The following ARID2 variants were observed in gnomAD, a reference collection of about 807,000 sequenced individuals.
The protein encoded by ARID2 is AT-rich interaction domain 2.
In ARID2, 32 loss-of-function variants were observed where a neutral mutation model predicts 184.6. That is an observed-to-expected ratio of 0.17 (90% CI 0.13 to 0.23). The LOEUF (loss-of-function observed/expected upper bound fraction) is 0.23. Ranked by LOEUF, ARID2 falls within the 10% of genes least tolerant of loss-of-function variation. The pLI is 1.00. For missense variants in ARID2, 1,696 were observed against 2,197.6 expected, an observed-to-expected ratio of 0.77 and a Z score of 4.56; for synonymous variants, 836 against 772.6, an observed-to-expected ratio of 1.08 and a Z score of -1.36.
At chr12:45,838,319 G>A (rs1943258242) in intron 10 of ARID2, among the ~76,000 whole-genome samples, 1 of 152,160 alleles carries the variant, frequency 6.6e-6, no homozygotes, top group Non-Finnish European at 1.5e-5. Context: ...TGATTAAAAT[G>A]ATATCTTTCT....
At chr12:45,867,557 A>G (rs923697604) in intron 16 of ARID2, among the ~76,000 whole-genome samples, 4 of 151,412 alleles carry the variant, frequency 2.6e-5, no homozygotes, top group African/African-American at 9.7e-5. Flanking sequence ...CCTGGCTAGC[A>G]CAGTGAAACC....
rs547876427 is a variant in ARID2, at chr12:45,843,330, C to T, written c.1499-3526C>T. ...AGACTTATTAAAGATTTCTGGGCTA[C>T]ATTCCCTGAGTTTCTGGATCAGGTG... is the stretch of plus-strand genomic sequence containing the variant. On this transcript the variant is annotated intron_variant, in intron 11 of 20. Transcript: ENST00000334344. Among the ~76,000 whole-genome samples, 5 of 149,552 alleles carry T rather than the reference C, an allele frequency of 3.3e-5. No individual in the cohort carries two copies. The South Asian group carries it at 1.0e-3, about 31-fold the overall frequency.
chr12:45,758,627 A>G lies in ARID2; in HGVS notation c.284+27313A>G, dbSNP rs142647546. Among the ~76,000 whole-genome samples the G allele has an allele frequency of 4.5e-3, 678 of 152,324 alleles. 5 individuals carry two copies. The highest frequency in any genetic ancestry group is 0.014 in the African/African-American group (593 of 41,574). On this transcript the variant is annotated intron_variant, in intron 3 of 20. Transcript: ENST00000334344. ...CTCTGATATAACAGTCCAAACATAAATAGTCTAGGACTGATAATGTAGCTT... is the reference window on the plus strand; with the variant it reads ...CTCTGATATAACAGTCCAAACATAAGTAGTCTAGGACTGATAATGTAGCTT...
intron 3 of ARID2, among the ~76,000 whole-genome samples, chr12:45,806,485 A>T (rs1942603260): frequency 6.6e-6 from 1 of 151,756 alleles, no homozygotes; most frequent in Non-Finnish European, 1.5e-5. Context: ...TGGTTTTAAA[A>T]TTTTTTCTGT....
intron 20 of ARID2, among the ~76,000 whole-genome samples, chr12:45,904,665 T>TGGCA (rs1223994787): frequency 1.6e-5 from 2 of 121,434 alleles, no homozygotes; most frequent in African/African-American, 6.7e-5. Context: ...CACTCCAGCC[T>TGGCA]GGCAATAGAG....
chr12:45,856,346 C>T (rs930566662), intron 15 of ARID2, among the ~76,000 whole-genome samples: 2 of 151,958 alleles, frequency 1.3e-5, no homozygotes, highest in African/African-American at 2.4e-5. Flanking sequence ...GGATTACAGG[C>T]GTAAGCCACC....
intron 4 of ARID2, among the ~76,000 whole-genome samples, chr12:45,813,458 TAAAA>T (rs56373880): frequency 2.2e-5 from 3 of 138,298 alleles, no homozygotes; most frequent in South Asian, 2.3e-4. Flanking sequence ...GCATGTGTTC[TAAAA>T]AAAAAAAAAA....
rs111334296 is a variant in ARID2 at position 45,829,050 on chromosome 12, T to C, written c.706-7539T>C. Among the ~76,000 whole-genome samples, 196 of 152,178 alleles carry C rather than the reference T, an allele frequency of 1.3e-3. 1 individual carries two copies. Among genetic ancestry groups the C allele is most frequent in the African/African-American group, 4.5e-3 (189 of 41,558 alleles). On this transcript the variant is annotated intron_variant, in intron 6 of 20. Coordinates refer to ENST00000334344, the MANE Select transcript of ARID2 (RefSeq NM_152641.4). ...TTCTGTTTTACTTTTCACACTTAGA[T>C]CTATAATTTTTATTGTGTTTTTGTG...
In ARID2 at chr12:45,865,914, A is replaced by T. The variant is rs138988054; in HGVS notation, c.4922+4965A>T. Among the ~76,000 whole-genome samples, 1,069 of 152,216 alleles carry T rather than the reference A, an allele frequency of 7.0e-3. 10 individuals carry two copies. The highest frequency in any genetic ancestry group is 0.024 in the African/African-American group (1,010 of 41,574). The stretch of plus-strand genomic sequence containing the variant: ...AAAAGTGATTCCACAATATTTTCAT[A>T]ATTGTTTTTCTTATTTTAAAATTAT... On this transcript the variant is annotated intron_variant, in intron 16 of 20. Coordinates refer to ENST00000334344, the MANE Select transcript of ARID2 (RefSeq NM_152641.4).
At chr12:45,753,506 A>G (rs1308474259) in intron 3 of ARID2, among the ~76,000 whole-genome samples, 2 of 152,302 alleles carry the variant, frequency 1.3e-5, no homozygotes, top group South Asian at 2.1e-4. Flanking sequence ...TGGTAAATAC[A>G]TTAGTATATG....
At chr12:45,780,430 T>C (rs748633771) in intron 3 of ARID2, among the ~76,000 whole-genome samples, 2 of 152,162 alleles carry the variant, frequency 1.3e-5, no homozygotes, top group Non-Finnish European at 2.9e-5. Flanking sequence ...ATGTGATTAG[T>C]ATCTGCTTTT....
At chr12:45,842,096 A>G (rs1374288796) in intron 11 of ARID2, 1 of 150,386 alleles carries the variant, frequency 6.6e-6, no homozygotes, top group Non-Finnish European at 1.5e-5. Flanking sequence ...ATCTCTACAA[A>G]ATCAGGAAAA....
chr12:45,854,685 A>T (rs987401837), intron 15 of ARID2, among the ~76,000 whole-genome samples: 2 of 151,366 alleles, frequency 1.3e-5, no homozygotes, highest in Non-Finnish European at 2.9e-5. Flanking sequence ...TTAGAGAAAA[A>T]CTCCATCTCC....
rs757940740 is a variant in ARID2, at chr12:45,837,528, C to T, written c.1151C>T (p.Ala384Val). The T allele has an allele frequency of 1.2e-6, 2 of 1,613,898 alleles. No individual in the cohort carries two copies. Among genetic ancestry groups the T allele is most frequent in the South Asian group, 1.1e-5 (1 of 91,072 alleles). ...GAAATTTTGGGAAATCTTTGCAAAGCAGAAGATAATGGTGTTTTAATTTGT... is the reference window on the plus strand; with the variant it reads ...GAAATTTTGGGAAATCTTTGCAAAGTAGAAGATAATGGTGTTTTAATTTGT... The part of the protein sequence containing the change: ...GMEILGNLCK[A>V]EDNGVLICEY... The change falls in exon 10 of 21, where the codon GCA (alanine) becomes GTA (valine). Residue 384 changes from alanine to valine, a missense_variant. Coordinates refer to ENST00000334344, the MANE Select transcript of ARID2 (RefSeq NM_152641.4).
At position 45,765,001 on chromosome 12, in the gene ARID2, A is replaced by G. The variant is rs571170885; in HGVS notation, c.284+33687A>G. On this transcript the variant is annotated intron_variant, in intron 3 of 20. Coordinates refer to ENST00000334344, the MANE Select transcript of ARID2 (RefSeq NM_152641.4). ...GTTCCAGTTGTCCCTCAACCTTGCTAGCATTTGATATTGTTAATTTTTAAA... is the reference window on the plus strand; with the variant it reads ...GTTCCAGTTGTCCCTCAACCTTGCTGGCATTTGATATTGTTAATTTTTAAA... 1.1e-4 allele frequency among the ~76,000 whole-genome samples: 17 copies of G among 152,340 alleles called. No individual in the cohort carries two copies. In the South Asian group the frequency reaches 3.3e-3, roughly 30 times the overall value.
At chr12:45,858,462 G>T (rs1449969999) in intron 15 of ARID2, among the ~76,000 whole-genome samples, 1 of 152,140 alleles carries the variant, frequency 6.6e-6, no homozygotes, top group Non-Finnish European at 1.5e-5. Context: ...ATGGCTTTTA[G>T]AATTTGCAGG....
chr12:45,844,995 G>A (rs1943416293), intron 11 of ARID2, among the ~76,000 whole-genome samples: 1 of 152,166 alleles, frequency 6.6e-6, no homozygotes, highest in African/African-American at 2.4e-5. Context: ...TCTGGAAATT[G>A]ATTCAAAGTA....
chr12:45,817,731 A>G lies in ARID2; in HGVS notation c.480A>G (p.Lys160=). 3 of 1,613,042 alleles carry G rather than the reference A, an allele frequency of 1.9e-6. No individual in the cohort carries two copies. The highest frequency in any genetic ancestry group is 1.1e-5 in the South Asian group (1 of 91,048). ...TTAATTCGCCAAATGATTATAATAA[A>G]TTGGTGCTTTCACTGTTATCTGGAC... ...MDFNSPNDYN[K]LVLSLLSGLP... is the part of the protein sequence containing the mutation. Residue 160 remains lysine (K), a synonymous_variant, in exon 5 of 21, where the codon AAA becomes AAG. Coordinates refer to ENST00000334344, the MANE Select transcript of ARID2 (RefSeq NM_152641.4).
chr12:45,742,402 A>G (rs1941278926), intron 3 of ARID2, among the ~76,000 whole-genome samples: 1 of 152,178 alleles, frequency 6.6e-6, no homozygotes, highest in Admixed American at 6.5e-5. Context: ...TAGCCTAGGT[A>G]TGTAGTAGAC....
Sources: gnomAD v4.1 joint callset for allele counts (sites outside exome capture counted in the v4.1 genomes callset) on GRCh38, gnomAD v4.1.1 for gene constraint, MANE v1.5 for transcripts, NCBI Gene and HGNC (gene_info 2026-07-23, HGNC 2026-07-21) for gene names.